RBM47: variants seen among roughly 807,000 people sequenced by gnomAD.
RBM47 encodes the protein RNA-binding protein 47.
In RBM47, 21 loss-of-function variants were observed where a neutral mutation model predicts 47.1. The ratio of observed to expected loss-of-function variants is 0.45; its 90% confidence interval spans 0.32 to 0.64. The LOEUF is 0.64. RBM47 is among the 30% of genes least tolerant of loss of function. RBM47 has a pLI of 0.05. For missense variants in RBM47, 708 were observed against 870.9 expected (o/e 0.81, Z 2.35); for synonymous variants, 375 against 361.7 (o/e 1.04, Z -0.42).
At position 40,604,714 on chromosome 4, in the gene RBM47, T is replaced by TTTG. The variant is rs57799277; in HGVS notation, c.-240+24679_-240+24681dup. Among the ~76,000 whole-genome samples, 35 of 151,754 alleles carry TTTG rather than the reference T, an allele frequency of 2.3e-4. No homozygotes were observed. In the East Asian group the frequency reaches 3.9e-3, roughly 17 times the overall value. ...ACATTTCACGATTGCCACATGGCTC[T>TTTG]TTGTTGTTGTTGTTGTTGTTGAGAC... On this transcript the variant is annotated intron_variant, in intron 1 of 6. Transcript: ENST00000295971.
chr4:40,518,618 GC>G (rs745577458), intron 2 of RBM47, among the ~76,000 whole-genome samples: 3 of 152,126 alleles, frequency 2.0e-5, no homozygotes, highest in Non-Finnish European at 4.4e-5. Context: ...GAGAACCTCA[GC>G]GGGTCCCAGT....
At chr4:40,562,623 G>T (rs916873805) in intron 1 of RBM47, among the ~76,000 whole-genome samples, 1 of 151,788 alleles carries the variant, frequency 6.6e-6, no homozygotes, top group Non-Finnish European at 1.5e-5. Context: ...GCGCCACCAC[G>T]CCCGGCTAAT....
At chr4:40,523,477 C>T (rs78851646) in intron 2 of RBM47, among the ~76,000 whole-genome samples, 2 of 151,982 alleles carry the variant, frequency 1.3e-5, no homozygotes, top group African/African-American at 2.4e-5. Context: ...ATGGTGAAAC[C>T]CTGTCTCTAC....
intron 1 of RBM47, among the ~76,000 whole-genome samples, chr4:40,588,123 C>G (rs1430653788): frequency 6.6e-6 from 1 of 152,130 alleles, no homozygotes; most frequent in African/African-American, 2.4e-5. Context: ...AAGACAGTTG[C>G]CACATAAAAT....
intron 3 of RBM47, among the ~76,000 whole-genome samples, chr4:40,443,872 A>G (rs536351018): frequency 2.0e-5 from 3 of 152,114 alleles, no homozygotes; most frequent in East Asian, 1.9e-4. Context: ...ACTCTACTCA[A>G]TGAATTCAGA....
At chr4:40,444,358 G>T (rs1391029961) in intron 3 of RBM47, among the ~76,000 whole-genome samples, 1 of 151,726 alleles carries the variant, frequency 6.6e-6, no homozygotes, top group African/African-American at 2.4e-5. Flanking sequence ...CTATGGCTGT[G>T]GGCCAAATAT....
chr4:40,499,599 G>A (rs990251128), intron 2 of RBM47, among the ~76,000 whole-genome samples: 2 of 152,036 alleles, frequency 1.3e-5, no homozygotes, highest in Admixed American at 6.6e-5. Flanking sequence ...TAGTAGAGAC[G>A]GGGTTTCACC....
At chr4:40,517,262 G>C (rs982715463) in intron 2 of RBM47, among the ~76,000 whole-genome samples, 7 of 152,040 alleles carry the variant, frequency 4.6e-5, no homozygotes, top group Non-Finnish European at 8.8e-5. Context: ...AGCCTCCTGC[G>C]TAGCTGGGAT....
At chr4:40,427,120 G>A (rs557868342) in intron 6 of RBM47, 40 of 152,266 alleles carry the variant, frequency 2.6e-4, no homozygotes, top group Non-Finnish European at 4.7e-4. Flanking sequence ...AGCTTCTTAA[G>A]CTGTGACCTT....
In RBM47 at chr4:40,425,868, T is replaced by G; in HGVS notation, c.*36A>C. 2 of 1,601,620 alleles carry G rather than the reference T, an allele frequency of 1.2e-6. No homozygotes were observed. The highest frequency in any genetic ancestry group is 2.2e-5 in the South Asian group (2 of 90,548). ...AAATAGTCAAGCGTTCCTTCAGTGG[T>G]GTTTGTGTGGTCTGTCTTCGTGCTG... On this transcript the variant is annotated 3_prime_UTR_variant, in exon 7 of 7. Coordinates refer to ENST00000295971, the MANE Select transcript of RBM47 (RefSeq NM_001098634.2).
chr4:40,568,316 C>A (rs1305041114), intron 1 of RBM47, among the ~76,000 whole-genome samples: 2 of 150,694 alleles, frequency 1.3e-5, no homozygotes, highest in Admixed American at 6.6e-5. Flanking sequence ...CTGGTCCCAG[C>A]TACTCAGAAG....
chr4:40,496,432 A>G (rs1326311215), intron 2 of RBM47, among the ~76,000 whole-genome samples: 2 of 151,946 alleles, frequency 1.3e-5, no homozygotes, highest in East Asian at 3.9e-4. Context: ...ACCCTCTAAC[A>G]CCACCCCAGC....
At chr4:40,462,871 C>T (rs1336035317) in intron 3 of RBM47, among the ~76,000 whole-genome samples, 2 of 152,152 alleles carry the variant, frequency 1.3e-5, no homozygotes, top group Admixed American at 1.3e-4. Context: ...CAGGGGCAAA[C>T]TTTCATGATA....
chr4:40,454,620 C>T (rs1715952036), intron 3 of RBM47, among the ~76,000 whole-genome samples: 1 of 152,150 alleles, frequency 6.6e-6, no homozygotes, highest in Admixed American at 6.6e-5. Context: ...CTCAGCCTCT[C>T]GAGTAGCTGG....
At chr4:40,567,037 G>C (rs568044499) in intron 1 of RBM47, among the ~76,000 whole-genome samples, 9 of 151,972 alleles carry the variant, frequency 5.9e-5, no homozygotes, top group African/African-American at 2.2e-4. Flanking sequence ...TGTGAGCTGG[G>C]GAAGGGACTT....
At chr4:40,444,499 C>G (rs1465569758) in intron 3 of RBM47, among the ~76,000 whole-genome samples, 1 of 151,874 alleles carries the variant, frequency 6.6e-6, no homozygotes, top group Admixed American at 6.6e-5. Flanking sequence ...GAGACCCAGA[C>G]AGTGTGGCTC....
chr4:40,530,965 G>A (rs1450512545), intron 2 of RBM47, among the ~76,000 whole-genome samples: 1 of 152,092 alleles, frequency 6.6e-6, no homozygotes, highest in African/African-American at 2.4e-5. Flanking sequence ...CTGGGCATGG[G>A]GGTGCATGCG....
chr4:40,469,265 C>T (rs922913446), intron 2 of RBM47, among the ~76,000 whole-genome samples: 10 of 151,994 alleles, frequency 6.6e-5, no homozygotes, highest in African/African-American at 1.4e-4. Context: ...ACAGAATTCA[C>T]GTAGTTTTGT....
chr4:40,476,672 T>C (rs533494470), intron 2 of RBM47, among the ~76,000 whole-genome samples: 3 of 152,178 alleles, frequency 2.0e-5, no homozygotes, highest in South Asian at 4.2e-4. Flanking sequence ...GAGGCTGAGT[T>C]TGTCAGTTCA....
Sources: gnomAD v4.1 joint callset for allele counts (sites outside exome capture counted in the v4.1 genomes callset) on GRCh38, gnomAD v4.1.1 for gene constraint, MANE v1.5 for transcripts, NCBI Gene and HGNC (gene_info 2026-07-23, HGNC 2026-07-21) for gene names.